ASXL3: variants seen among roughly 807,000 people sequenced by gnomAD.
ASXL3 encodes the protein ASXL transcriptional regulator 3, also known as putative Polycomb group protein ASXL3.
ASXL3 carries 34 observed loss-of-function variants against 170.6 expected under a neutral mutation model. The observed-to-expected ratio is 0.20, with a 90% CI of 0.15 to 0.27. The LOEUF is 0.27. ASXL3 is among the 10% of genes least tolerant of loss of function. ASXL3 has a pLI of 1.00. For synonymous variants in ASXL3, 1,002 were observed against 989.1 expected (o/e 1.01, Z -0.24); for missense variants, 2,592 against 2,695.3 (o/e 0.96, Z 0.85).
At chr18:33,685,435 G>C (rs909725070) in intron 8 of ASXL3, among the ~76,000 whole-genome samples, 1 of 152,082 alleles carries the variant, frequency 6.6e-6, no homozygotes, top group Non-Finnish European at 1.5e-5. Flanking sequence ...TTAGAATTTA[G>C]GTGTTAGAAA....
chr18:33,644,714 C>T (rs1452812398), intron 2 of ASXL3, among the ~76,000 whole-genome samples, 180 bp from the exon 3 acceptor site: 1 of 151,746 alleles, frequency 6.6e-6, no homozygotes, highest in Non-Finnish European at 1.5e-5. Flanking sequence ...TGGACTAGCC[C>T]TTTATTGTAA....
chr18:33,611,500 A>G (rs942081131), intron 2 of ASXL3, among the ~76,000 whole-genome samples: 1 of 151,850 alleles, frequency 6.6e-6, no homozygotes, highest in African/African-American at 2.4e-5. Flanking sequence ...CTTTATGTTT[A>G]TTGATTGTCA....
intron 8 of ASXL3, among the ~76,000 whole-genome samples, chr18:33,695,854 G>T (rs956095994): frequency 6.6e-6 from 1 of 152,076 alleles, no homozygotes; most frequent in East Asian, 1.9e-4. Flanking sequence ...TAAATACTTA[G>T]TATTGCCCTC....
chr18:33,615,962 TTTAA>T (rs2065415723), intron 2 of ASXL3, among the ~76,000 whole-genome samples: 1 of 152,170 alleles, frequency 6.6e-6, no homozygotes, highest in African/African-American at 2.4e-5. Flanking sequence ...TCTGTACATA[TTTAA>T]TTAGTTTTGA....
intron 1 of ASXL3, 28 bp downstream of exon 1, chr18:33,578,713 G>C: frequency 8.3e-7 from 1 of 1,198,534 alleles, no homozygotes; most frequent in Non-Finnish European, 1.1e-6. Context: ...CACGCCGCCC[G>C]CGCCTCCCGC....
Position 33,601,785 on chromosome 18 carries a change from G to GTATATATATATATATATATATATATATA in ASXL3, c.55-5799_55-5798insTATATATATATATATATATATATATATA, listed in dbSNP as rs1555717840. 2.9e-3 allele frequency among the ~76,000 whole-genome samples: 301 copies of GTATATATATATATATATATATATATATA among 103,886 alleles called. 34 individuals carry two copies. Among genetic ancestry groups the GTATATATATATATATATATATATATATA allele is most frequent in the Middle Eastern group, 5.4e-3 (1 of 186 alleles). The allele number at this position is 103,886 out of a possible 152,430, so 68.2% of individuals were successfully genotyped here. A position where few individuals can be genotyped will look rare whatever the true frequency, so the allele number is the denominator to read the frequency against. On this transcript the variant is annotated intron_variant, in intron 1 of 11. Coordinates refer to ENST00000269197, the MANE Select transcript of ASXL3 (RefSeq NM_030632.3). ...TGAGAATTTAAGTAAATATCTGATTGTATATATATAGTTTGTTTGTTTTGA... is the reference window on the plus strand; with the variant it reads ...TGAGAATTTAAGTAAATATCTGATTGTATATATATATATATATATATATATATATATATATATAGTTTGTTTGTTTTGA...
At chr18:33,732,860 C>CAA (rs58760847) in intron 9 of ASXL3, among the ~76,000 whole-genome samples, 4 of 134,602 alleles carry the variant, frequency 3.0e-5, no homozygotes, top group Non-Finnish European at 4.8e-5. Context: ...CACCCTGTCT[C>CAA]AAAAAAAAAA....
Position 33,744,918 on chromosome 18 carries a change from G to C in ASXL3, c.5070G>C (p.Glu1690Asp). 6.2e-7 allele frequency: 1 copy of C among 1,614,006 alleles called. No individual in the cohort carries two copies. Among genetic ancestry groups the C allele is most frequent in the South Asian group, 1.1e-5 (1 of 91,084 alleles). The part of the protein sequence containing the change: ...RMDTEDFPGP[E>D]LPPPAAEGAS... ...ACACTGAAGACTTCCCTGGCCCTGA[G>C]CTGCCTCCTCCGGCTGCAGAGGGAG... The change falls in exon 12 of 12, where the codon GAG becomes GAC. Residue 1690 changes from glutamate to aspartate, a missense_variant. Transcript: ENST00000269197.
chr18:33,633,987 A>C (rs908142626), intron 2 of ASXL3, among the ~76,000 whole-genome samples: 6 of 152,202 alleles, frequency 3.9e-5, no homozygotes, highest in Non-Finnish European at 7.3e-5. Context: ...CATAAAGTTG[A>C]ATATATGCAT....
At chr18:33,741,954 CT>C (rs2067670946) in intron 11 of ASXL3, among the ~76,000 whole-genome samples, 1 of 152,196 alleles carries the variant, frequency 6.6e-6, no homozygotes, top group Non-Finnish European at 1.5e-5. Context: ...GCTGTTAGAC[CT>C]TGTGCCTCAT....
intron 2 of ASXL3, among the ~76,000 whole-genome samples, chr18:33,639,284 C>G (rs1326944227): frequency 6.6e-6 from 1 of 152,056 alleles, no homozygotes; most frequent in Non-Finnish European, 1.5e-5. Context: ...GGACCTGTGA[C>G]CTAGAGAAGT....
intron 4 of ASXL3, among the ~76,000 whole-genome samples, chr18:33,660,856 T>C (rs1599459834): frequency 6.6e-6 from 1 of 152,162 alleles, no homozygotes; most frequent in East Asian, 1.9e-4. Flanking sequence ...GAGTTCTGGC[T>C]CAAACATAGG....
chr18:33,742,777 A>G (rs755784200), intron 11 of ASXL3, 111 bp from the exon 12 acceptor site: 125 of 1,407,032 alleles, frequency 8.9e-5, no homozygotes, highest in Admixed American at 5.2e-4. Context: ...AGTTCATGGC[A>G]TATTAGGAGA....
In ASXL3 at chr18:33,734,129, G is replaced by GCATTCTTCTAAAGCATTTAGCTTTAA. The variant is rs2067503853; in HGVS notation, c.977-177_977-176insCTTCTAAAGCATTTAGCTTTAACATT. On this transcript the variant is annotated intron_variant, in intron 9 of 11. Coordinates refer to ENST00000269197, the MANE Select transcript of ASXL3 (RefSeq NM_030632.3). Reference sequence around the variant, plus strand: ...CATTCTTCTAAAGCATTTAGCTTTAGCATTTTTATGAACATCTTGAGTGAT... The same window carrying GCATTCTTCTAAAGCATTTAGCTTTAA: ...CATTCTTCTAAAGCATTTAGCTTTAGCATTCTTCTAAAGCATTTAGCTTTAACATTTTTATGAACATCTTGAGTGAT... Among the ~76,000 whole-genome samples, 4 of 152,098 alleles carry GCATTCTTCTAAAGCATTTAGCTTTAA rather than the reference G, an allele frequency of 2.6e-5. 1 individual carries two copies. Among genetic ancestry groups the GCATTCTTCTAAAGCATTTAGCTTTAA allele is most frequent in the African/African-American group, 9.7e-5 (4 of 41,444 alleles).
chr18:33,724,391 T>A (rs2145379306), intron 8 of ASXL3, among the ~76,000 whole-genome samples: 1 of 152,224 alleles, frequency 6.6e-6, no homozygotes, highest in African/African-American at 2.4e-5. Context: ...CTCACAATAT[T>A]CTCAAAATTG....
At chr18:33,721,226 T>C (rs909490307) in intron 8 of ASXL3, among the ~76,000 whole-genome samples, 2 of 152,042 alleles carry the variant, frequency 1.3e-5, no homozygotes, top group Admixed American at 6.6e-5. Context: ...CTCTGCTGAT[T>C]TGGAAATTTA....
chr18:33,594,645 A>C (rs2145102885), intron 1 of ASXL3, among the ~76,000 whole-genome samples: 1 of 152,314 alleles, frequency 6.6e-6, no homozygotes. Context: ...ATGAGGAGTA[A>C]ACTGGGGAGG....
In ASXL3 at chr18:33,671,738, C is replaced by G. The variant is rs775900294; in HGVS notation, c.596-9C>G. ...AAGATAATGACATAATAACTATTTC[C>G]TTTTTTAGGATCTGAATCTAAAAAT... On this transcript the variant is annotated splice_polypyrimidine_tract_variant and intron_variant, in intron 6 of 11. Transcript: ENST00000269197. 6.3e-7 allele frequency: 1 copy of G among 1,593,360 alleles called. No homozygotes were observed. The highest frequency in any genetic ancestry group is 1.2e-5 in the South Asian group (1 of 86,554).
intron 11 of ASXL3, among the ~76,000 whole-genome samples, chr18:33,742,028 G>A (rs2145420938): frequency 6.6e-6 from 1 of 152,296 alleles, no homozygotes; most frequent in South Asian, 2.1e-4. Flanking sequence ...TATGGGTTGG[G>A]ACGTTTACAA....
Sources: gnomAD v4.1 joint callset for allele counts (sites outside exome capture counted in the v4.1 genomes callset) on GRCh38, gnomAD v4.1.1 for gene constraint, MANE v1.5 for transcripts, NCBI Gene and HGNC (gene_info 2026-07-23, HGNC 2026-07-21) for gene names.